The following MSL2 variants were observed in gnomAD, a reference collection of about 807,000 sequenced individuals.
The protein encoded by MSL2 is MSL complex subunit 2, also known as E3 ubiquitin-protein ligase MSL2.
A neutral mutation model predicts 35.8 loss-of-function variants in MSL2; 2 were observed. That is an observed-to-expected ratio of 0.06 (90% confidence interval 0.02 to 0.18). The LOEUF is 0.18. Ranked by LOEUF, MSL2 falls within the 10% of genes least tolerant of loss-of-function variation. MSL2 has a pLI of 1.00. For synonymous variants in MSL2, 296 were observed against 255.7 expected, an observed-to-expected ratio of 1.16 and a Z score of -1.50; for missense variants, 523 against 706.7, an observed-to-expected ratio of 0.74 and a Z score of 2.95.
intron 1 of MSL2, among the ~76,000 whole-genome samples, chr3:136,156,850 A>G (rs1939542443): frequency 6.6e-6 from 1 of 152,176 alleles, no homozygotes; most frequent in African/African-American, 2.4e-5. Flanking sequence ...GCCAGACTCC[A>G]TCTCAAAAGC....
intron 1 of MSL2, among the ~76,000 whole-genome samples, chr3:136,178,635 C>T (rs1940250325): frequency 6.6e-6 from 1 of 151,324 alleles, no homozygotes; most frequent in South Asian, 2.1e-4. Flanking sequence ...AAGGTTCAAG[C>T]AATTCTCCTG....
intron 1 of MSL2, among the ~76,000 whole-genome samples, chr3:136,173,907 C>T (rs762255425): frequency 2.0e-5 from 3 of 152,192 alleles, no homozygotes; most frequent in Admixed American, 6.5e-5. Context: ...ACTGACCATT[C>T]CAAAACATGC....
chr3:136,165,821 C>CTG (rs774295919), intron 1 of MSL2, among the ~76,000 whole-genome samples: 3 of 151,898 alleles, frequency 2.0e-5, no homozygotes, highest in Non-Finnish European at 4.4e-5. Flanking sequence ...TATTTGATAG[C>CTG]ATAACAGGGT....
At chr3:136,179,235 G>A (rs1454061530) in intron 1 of MSL2, among the ~76,000 whole-genome samples, 2 of 152,028 alleles carry the variant, frequency 1.3e-5, no homozygotes, top group East Asian at 1.9e-4. Context: ...CGCCCAGGCT[G>A]GAGTGCAGCA....
chr3:136,156,127 G>A (rs565908394), intron 1 of MSL2: 65 of 183,230 alleles, frequency 3.5e-4, no homozygotes, highest in Non-Finnish European at 4.8e-4. Context: ...CTTGATACAT[G>A]TAATTCTACC....
At chr3:136,180,760 A>AGGAGGGAGGGAGGGAGGGAG (rs1170359510) in intron 1 of MSL2, among the ~76,000 whole-genome samples, 2 of 41,602 alleles carry the variant, frequency 4.8e-5, no homozygotes, top group East Asian at 9.7e-4. Flanking sequence ...GAAGGAGGGA[A>AGGAGGGAGGGAGGGAGGGAG]GGAGGGAGGG....
In MSL2 at chr3:136,152,633, C is replaced by A; in HGVS notation, c.248G>T (p.Trp83Leu). The A allele has an allele frequency of 6.2e-7, 1 of 1,614,126 alleles. No homozygotes were observed. Residue 83 changes from tryptophan (W) to leucine (L), a missense_variant, in exon 2 of 2, where the codon TGG becomes TTG. This residue lies in a region of MSL2 where 41 missense variants were observed against 83.3 expected (regional missense o/e 0.49). Coordinates refer to ENST00000309993, the MANE Select transcript of MSL2 (RefSeq NM_018133.4). ...KKMMMKPSCSWCKDYEQFEEN... is the reference protein window; with the variant it reads ...KKMMMKPSCSLCKDYEQFEEN... ...CTCAAACTGCTCATAGTCTTTGCAC[C>A]AGCTACAGGAAGGTTTCATCATCAT...
At position 136,159,035 on chromosome 3, in the gene MSL2, T is replaced by C. The variant is rs998508407; in HGVS notation, c.143-6297A>G. ...CAGTTTTCCCCAAAATTGATGTGTC[T>C]GTAAGTTCAATGCAATCTTTAATCC... On this transcript the variant is annotated intron_variant, in intron 1 of 1. Coordinates refer to ENST00000309993, the MANE Select transcript of MSL2 (RefSeq NM_018133.4). Among the ~76,000 whole-genome samples, 6 of 152,336 alleles carry C rather than the reference T, an allele frequency of 3.9e-5. No individual in the cohort carries two copies. In the East Asian group the frequency reaches 1.2e-3, roughly 29 times the overall value.
At chr3:136,188,243 G>T (rs1403281128) in intron 1 of MSL2, among the ~76,000 whole-genome samples, 1 of 152,088 alleles carries the variant, frequency 6.6e-6, no homozygotes, top group African/African-American at 2.4e-5. Flanking sequence ...AGACCATCCT[G>T]GCCAACATGG....
chr3:136,171,797 A>ATACCTT (rs1940033189), intron 1 of MSL2, among the ~76,000 whole-genome samples: 1 of 152,228 alleles, frequency 6.6e-6, no homozygotes, highest in East Asian at 1.9e-4. Flanking sequence ...GTGTATCAAA[A>ATACCTT]GCCTTGCATT....
At position 136,181,104 on chromosome 3, in the gene MSL2, G is replaced by A. The variant is rs570991844; in HGVS notation, c.142+13868C>T. ...GGAGGTGGAGGTTGCAGTGAGGTGA[G>A]ATTGCGCCACTGCACTCCAACCTGG... On this transcript the variant is annotated intron_variant, in intron 1 of 1. Transcript: ENST00000309993. 1.2e-3 allele frequency among the ~76,000 whole-genome samples: 182 copies of A among 151,902 alleles called. 3 individuals are homozygous for A. The highest frequency in any genetic ancestry group is 4.4e-3 in the African/African-American group (181 of 41,406).
rs924934439 is a variant in MSL2, at chr3:136,195,835, G to A, written c.-722C>T. 7 of 984,850 alleles carry A rather than the reference G, an allele frequency of 7.1e-6. No homozygotes were observed. The highest frequency in any genetic ancestry group is 1.2e-4 in the Admixed American group (2 of 16,242). 61.0% of individuals were successfully genotyped at this position (984,850 alleles called of 1,614,324 possible). On this transcript the variant is annotated 5_prime_UTR_variant, in exon 1 of 2. Transcript: ENST00000309993. ...GTCCTCAACCCGGAGGGGAAGGCCG[G>A]GGAGGAAGTGCGCGGGCCGCCGCCG...
chr3:136,159,529 ATTTT>A (rs71624086), intron 1 of MSL2, among the ~76,000 whole-genome samples: 1 of 135,892 alleles, frequency 7.4e-6, no homozygotes, highest in Admixed American at 7.4e-5. Flanking sequence ...ACGCCCAGCT[ATTTT>A]TTTTTTTTTT....
At chr3:136,158,055 T>C (rs542617908) in intron 1 of MSL2, among the ~76,000 whole-genome samples, 1 of 152,338 alleles carries the variant, frequency 6.6e-6, no homozygotes, top group East Asian at 1.9e-4. Flanking sequence ...CTCACGCCTG[T>C]AATCCCAACA....
rs571490801 is a variant in MSL2 at position 136,166,249 on chromosome 3, G to A, written c.143-13511C>T. Among the ~76,000 whole-genome samples the A allele has an allele frequency of 3.3e-5, 5 of 151,874 alleles. No homozygotes were observed. In the East Asian group the frequency reaches 5.8e-4, roughly 18 times the overall value. Reference sequence around the variant, plus strand: ...CTAAAAATACAAAAATTAGCCGGGCGTGGTGACAGACGCCTATAATCCCAG... The same window carrying A: ...CTAAAAATACAAAAATTAGCCGGGCATGGTGACAGACGCCTATAATCCCAG... On this transcript the variant is annotated intron_variant, in intron 1 of 1. Transcript: ENST00000309993.
At chr3:136,170,751 C>T (rs944806272) in intron 1 of MSL2, among the ~76,000 whole-genome samples, 2 of 152,092 alleles carry the variant, frequency 1.3e-5, no homozygotes, top group Non-Finnish European at 2.9e-5. Context: ...GATCCGCCCA[C>T]CTCAGCCTCC....
intron 1 of MSL2, among the ~76,000 whole-genome samples, chr3:136,179,003 T>TA (rs1940264204): frequency 1.4e-5 from 2 of 138,400 alleles, no homozygotes; most frequent in South Asian, 4.6e-4. Context: ...TTTTTTTTTT[T>TA]AAGAGACAAG....
rs573195310 is a variant in MSL2 at position 136,168,174 on chromosome 3, G to A, written c.143-15436C>T. Among the ~76,000 whole-genome samples, 45 of 152,116 alleles carry A rather than the reference G, an allele frequency of 3.0e-4. No homozygotes were observed. The South Asian group carries it at 6.4e-3, about 22-fold the overall frequency. ...CAGGAGTTATCGCTTGAAGCCAGGA[G>A]TTCAAGATTAGCTGGGTAATGAAGT... On this transcript the variant is annotated intron_variant, in intron 1 of 1. Transcript: ENST00000309993.
intron 1 of MSL2, among the ~76,000 whole-genome samples, chr3:136,161,218 G>A (rs941427724): frequency 1.3e-5 from 2 of 152,162 alleles, no homozygotes; most frequent in African/African-American, 4.8e-5. Flanking sequence ...GCCAAAAGTT[G>A]GCAAAGATGT....
Sources: allele counts gnomAD v4.1 joint callset (sites outside exome capture counted in the v4.1 genomes callset), GRCh38; gene constraint gnomAD v4.1.1; regional missense constraint gnomAD v4.1.1; transcripts MANE v1.5; gene names NCBI Gene and HGNC (gene_info 2026-07-23, HGNC 2026-07-21).